The following DPP10 variants were observed in gnomAD, a reference collection of about 807,000 sequenced individuals.
DPP10 encodes dipeptidyl peptidase like 10, also known as inactive dipeptidyl peptidase 10.
A neutral mutation model predicts 120.9 loss-of-function variants in DPP10; 33 were observed. The ratio of observed to expected loss-of-function variants is 0.27; its 90% confidence interval spans 0.21 to 0.37. The LOEUF (loss-of-function observed/expected upper bound fraction) is 0.37, where lower values mean the gene tolerates loss of function less well. Among genes scored for constraint, DPP10 ranks in the 10% least tolerant of loss-of-function variants. The pLI, the probability that DPP10 is intolerant of heterozygous loss-of-function variation, is 1.00. For synonymous variants in DPP10, 337 were observed against 326.1 expected (o/e 1.03, Z -0.36); for missense variants, 816 against 942.8 (o/e 0.87, Z 1.76).
chr2:115,802,865 T>A (rs1685434623), intron 19 of DPP10, among the ~76,000 whole-genome samples: 1 of 152,170 alleles, frequency 6.6e-6, no homozygotes, highest in Admixed American at 6.5e-5. Context: ...GTGGTCAATT[T>A]TGGAATAGGT....
chr2:114,604,934 A>T (rs1482210953), intron 1 of DPP10, among the ~76,000 whole-genome samples: 2 of 152,040 alleles, frequency 1.3e-5, no homozygotes, highest in East Asian at 1.9e-4. Context: ...ATATCAGAAG[A>T]ATTTGTTGGA....
chr2:115,821,843 T>A (rs1268831298), intron 21 of DPP10, among the ~76,000 whole-genome samples: 1 of 152,064 alleles, frequency 6.6e-6, no homozygotes, highest in Non-Finnish European at 1.5e-5. Context: ...CGTGTACGCT[T>A]GTTTTTGTGT....
chr2:115,305,521 C>A (rs775569674), intron 1 of DPP10, among the ~76,000 whole-genome samples: 1 of 151,904 alleles, frequency 6.6e-6, no homozygotes, highest in African/African-American at 2.4e-5. Flanking sequence ...TTGCTTGAGG[C>A]CAGGAGTTTG....
intron 1 of DPP10, chr2:114,833,390 A>G (rs985812294): frequency 2.6e-5 from 4 of 151,974 alleles, no homozygotes; most frequent in African/African-American, 4.8e-5. Context: ...CAGCTGATAT[A>G]TTTTTCTTAG....
intron 3 of DPP10, among the ~76,000 whole-genome samples, chr2:115,467,325 G>T (rs904286393): frequency 3.9e-5 from 6 of 152,080 alleles, no homozygotes; most frequent in Non-Finnish European, 7.4e-5. Flanking sequence ...ACTTTGGGAG[G>T]CTGAGGCGGA....
intron 1 of DPP10, among the ~76,000 whole-genome samples, chr2:114,743,111 TAGCTCTGCCTAA>T (rs1312234528): frequency 6.6e-6 from 1 of 152,212 alleles, no homozygotes; most frequent in Non-Finnish European, 1.5e-5. Flanking sequence ...AGCAAGGTAA[TAGCTCTGCCTAA>T]CATGAAGCAA....
rs542397907 is a variant in DPP10, at chr2:115,403,485, C to T, written c.271+59573C>T. Reference sequence around the variant, plus strand: ...CATAATCTCAGCTTACTGCAACCTCCGCCTCCCAGGTTCCAGCGATTCTCC... The same window carrying T: ...CATAATCTCAGCTTACTGCAACCTCTGCCTCCCAGGTTCCAGCGATTCTCC... On this transcript the variant is annotated intron_variant, in intron 3 of 25. Coordinates refer to ENST00000410059, the MANE Select transcript of DPP10 (RefSeq NM_020868.6). 1.6e-4 allele frequency among the ~76,000 whole-genome samples: 24 copies of T among 150,768 alleles called. No homozygotes were observed. In the South Asian group the frequency reaches 2.5e-3, roughly 16 times the overall value.
intron 1 of DPP10, among the ~76,000 whole-genome samples, chr2:114,923,115 C>T (rs78338250): frequency 0.026 from 4,010 of 151,880 alleles, 178 homozygotes; most frequent in African/African-American, 0.092. Flanking sequence ...GTTCTTTGTA[C>T]ATTTTGGATA....
At chr2:115,377,092 G>A (rs1234601989) in intron 3 of DPP10, among the ~76,000 whole-genome samples, 1 of 151,978 alleles carries the variant, frequency 6.6e-6, no homozygotes, top group Non-Finnish European at 1.5e-5. Flanking sequence ...GGGTCAAATG[G>A]TATTTCTAGT....
At chr2:114,737,437 A>T (rs1243288377) in intron 1 of DPP10, among the ~76,000 whole-genome samples, 1 of 152,206 alleles carries the variant, frequency 6.6e-6, no homozygotes, top group Non-Finnish European at 1.5e-5. Flanking sequence ...TCTGCAGGAG[A>T]GAGAAATCTG....
chr2:114,870,066 G>C (rs1164194723), intron 1 of DPP10, among the ~76,000 whole-genome samples: 2 of 152,106 alleles, frequency 1.3e-5, no homozygotes, highest in Non-Finnish European at 2.9e-5. Flanking sequence ...ATCTCTATTT[G>C]ATAGTTTTCT....
chr2:115,835,538 C>T (rs1689395540), intron 21 of DPP10, among the ~76,000 whole-genome samples: 2 of 152,140 alleles, frequency 1.3e-5, no homozygotes, highest in Non-Finnish European at 2.9e-5. Flanking sequence ...AACTTCCAGC[C>T]TTGTTTCTAG....
intron 1 of DPP10, among the ~76,000 whole-genome samples, chr2:114,962,417 G>A (rs562993699): frequency 6.6e-6 from 1 of 152,182 alleles, no homozygotes; most frequent in Non-Finnish European, 1.5e-5. Context: ...CATCGGGCAA[G>A]GGAAAGGGAC....
At chr2:115,705,839 G>T (rs2092082001) in intron 7 of DPP10, among the ~76,000 whole-genome samples, 1 of 151,778 alleles carries the variant, frequency 6.6e-6, no homozygotes, top group South Asian at 2.1e-4. Context: ...CCACATTGTA[G>T]TATTGCCCCA....
At chr2:114,863,281 T>G (rs1424071138) in intron 1 of DPP10, among the ~76,000 whole-genome samples, 1 of 152,154 alleles carries the variant, frequency 6.6e-6, no homozygotes, top group African/African-American at 2.4e-5. Context: ...TGGGAGAGAA[T>G]GCTGAATTGT....
intron 3 of DPP10, among the ~76,000 whole-genome samples, chr2:115,457,112 C>T (rs6738240): frequency 0.27 from 40,748 of 151,394 alleles, 6,408 homozygotes; most frequent in East Asian, 0.41. Context: ...AAGAAATAAG[C>T]CCTTAGGTTT....
intron 1 of DPP10, among the ~76,000 whole-genome samples, chr2:115,174,574 C>A (rs1475643323): frequency 6.6e-6 from 1 of 152,062 alleles, no homozygotes; most frequent in Non-Finnish European, 1.5e-5. Context: ...TATGTAATAG[C>A]AAATAGTAAG....
chr2:115,489,837 A>G (rs2105336966), intron 3 of DPP10, among the ~76,000 whole-genome samples: 1 of 152,248 alleles, frequency 6.6e-6, no homozygotes, highest in Non-Finnish European at 1.5e-5. Flanking sequence ...TCCCAGATCT[A>G]GGGGAGATTA....
chr2:115,236,281 C>A (rs906296716), intron 1 of DPP10, among the ~76,000 whole-genome samples: 9 of 152,100 alleles, frequency 5.9e-5, no homozygotes, highest in African/African-American at 2.2e-4. Flanking sequence ...GATTTTAACC[C>A]ATCTTTCAGA....
Sources: allele counts gnomAD v4.1 joint callset (sites outside exome capture counted in the v4.1 genomes callset), GRCh38; gene constraint gnomAD v4.1.1; transcripts MANE v1.5; gene names NCBI Gene and HGNC (gene_info 2026-07-23, HGNC 2026-07-21).